The following BCKDHB variants were observed in gnomAD, a reference collection of about 807,000 sequenced individuals.
The protein encoded by BCKDHB is branched chain keto acid dehydrogenase E1 subunit beta, also known as 2-oxoisovalerate dehydrogenase subunit beta, mitochondrial.
BCKDHB carries 41 observed loss-of-function variants against 48.5 expected under a neutral mutation model. That is an observed-to-expected ratio of 0.85 (90% CI 0.66 to 1.10). BCKDHB has a LOEUF of 1.10. BCKDHB is among the 50% of genes least tolerant of loss of function. BCKDHB has a pLI of 0.00. For synonymous variants in BCKDHB, 201 were observed against 174.8 expected (o/e 1.15, Z -1.18); for missense variants, 496 against 494.2 (o/e 1.00, Z -0.03).
chr6:80,155,421 A>G (rs1771991752), intron 3 of BCKDHB, among the ~76,000 whole-genome samples: 1 of 152,170 alleles, frequency 6.6e-6, no homozygotes, highest in South Asian at 2.1e-4. Context: ...TAGTAGAAAG[A>G]AAGGGAAGCA....
intron 8 of BCKDHB, among the ~76,000 whole-genome samples, chr6:80,228,982 G>A (rs74634746): frequency 0.036 from 5,474 of 152,226 alleles, 319 homozygotes; most frequent in African/African-American, 0.12. Flanking sequence ...CTATAGCAAG[G>A]ACTGGCCACT....
At chr6:80,220,304 G>GTTTTTTTTTTTTTTTTTTTTTTTTTTTTT (rs56967096) in intron 8 of BCKDHB, among the ~76,000 whole-genome samples, 18 of 60,858 alleles carry the variant, frequency 3.0e-4, no homozygotes, top group Non-Finnish European at 3.8e-4. Context: ...CATGCTATTT[G>GTTTTTTTTTTTTTTTTTTTTTTTTTTTTT]TTTTTTTTTT....
the BCKDHB span, among the ~76,000 whole-genome samples, chr6:80,394,162 CAAGT>C: frequency 6.6e-6 from 1 of 152,114 alleles, no homozygotes. Context: ...ATGTCACTAA[CAAGT>C]AACTTGGAAA....
At chr6:80,434,944 GT>G in the BCKDHB span, among the ~76,000 whole-genome samples, 3 of 152,144 alleles carry the variant, frequency 2.0e-5, no homozygotes, top group Non-Finnish European at 2.9e-5. Flanking sequence ...GATCTTTGGA[GT>G]TTTTTTCTTT....
At chr6:80,396,462 G>T in the BCKDHB span, among the ~76,000 whole-genome samples, 2 of 152,336 alleles carry the variant, frequency 1.3e-5, no homozygotes, top group African/African-American at 4.8e-5. Context: ...ATGTGGGAAT[G>T]AGTTAAGACT....
intron 3 of BCKDHB, among the ~76,000 whole-genome samples, chr6:80,140,238 G>T (rs1404011124): frequency 6.6e-6 from 1 of 152,204 alleles, no homozygotes; most frequent in South Asian, 2.1e-4. Context: ...ATACAATCAT[G>T]TAATCTGCAA....
At chr6:80,223,403 CATT>C (rs1775548035) in intron 8 of BCKDHB, among the ~76,000 whole-genome samples, 1 of 152,154 alleles carries the variant, frequency 6.6e-6, no homozygotes, top group African/African-American at 2.4e-5. Flanking sequence ...GTTACATTCA[CATT>C]AATAATAATG....
intron 3 of BCKDHB, among the ~76,000 whole-genome samples, chr6:80,148,338 G>T (rs569624591): frequency 5.9e-5 from 9 of 152,132 alleles, no homozygotes; most frequent in Non-Finnish European, 1.2e-4. Context: ...ATGCTTATTA[G>T]TTTCAGATCA....
At chr6:80,413,458 A>G in the BCKDHB span, among the ~76,000 whole-genome samples, 2 of 151,096 alleles carry the variant, frequency 1.3e-5, no homozygotes, top group Non-Finnish European at 3.0e-5. Context: ...CCCACCCTCC[A>G]CTCTTTGATA....
At chr6:80,437,857 T>G in the BCKDHB span, among the ~76,000 whole-genome samples, 7 of 152,176 alleles carry the variant, frequency 4.6e-5, no homozygotes, top group Non-Finnish European at 8.8e-5. Context: ...AAAATCCAAA[T>G]GACAGAGAAG....
the BCKDHB span, among the ~76,000 whole-genome samples, chr6:80,391,716 A>G: frequency 5.9e-5 from 9 of 152,142 alleles, no homozygotes; most frequent in Non-Finnish European, 1.3e-4. Flanking sequence ...TGCTTAATGA[A>G]CCTGGCAGGA....
the BCKDHB span, among the ~76,000 whole-genome samples, chr6:80,459,959 G>C: frequency 5.9e-5 from 9 of 152,022 alleles, no homozygotes; most frequent in Non-Finnish European, 1.3e-4. Flanking sequence ...AATAGAACTG[G>C]AATTTCAGTA....
At chr6:80,466,498 T>C in the BCKDHB span, among the ~76,000 whole-genome samples, 3 of 152,098 alleles carry the variant, frequency 2.0e-5, no homozygotes, top group Non-Finnish European at 2.9e-5. Flanking sequence ...GATTTAAAAT[T>C]TTCTCACTAT....
intron 8 of BCKDHB, among the ~76,000 whole-genome samples, chr6:80,211,728 A>G (rs574800695): frequency 1.3e-5 from 2 of 152,238 alleles, no homozygotes; most frequent in African/African-American, 2.4e-5. Context: ...CCTGCCCCCA[A>G]CATTTCAACA....
At chr6:80,338,885 A>C (rs1252868255) in intron 9 of BCKDHB, among the ~76,000 whole-genome samples, 1 of 152,168 alleles carries the variant, frequency 6.6e-6, no homozygotes, top group Non-Finnish European at 1.5e-5. Context: ...TAATACTTCT[A>C]TTTTGATGTT....
intron 6 of BCKDHB, among the ~76,000 whole-genome samples, chr6:80,177,941 A>C (rs1030083925): frequency 6.6e-6 from 1 of 152,208 alleles, no homozygotes; most frequent in African/African-American, 2.4e-5. Context: ...AGGTAAATGC[A>C]AGGCTTTTGC....
chr6:80,232,700 T>C (rs1769258471), intron 8 of BCKDHB, among the ~76,000 whole-genome samples: 1 of 148,522 alleles, frequency 6.7e-6, no homozygotes, highest in Non-Finnish European at 1.5e-5. Flanking sequence ...AAATATTTAA[T>C]ATATTTAATA....
intron 3 of BCKDHB, among the ~76,000 whole-genome samples, chr6:80,156,300 G>A (rs1363477373): frequency 1.3e-5 from 2 of 151,574 alleles, no homozygotes. Context: ...TGTGTTCATG[G>A]TAATGTGAAG....
chr6:80,400,127 C>G, the BCKDHB span, among the ~76,000 whole-genome samples: 1 of 151,648 alleles, frequency 6.6e-6, no homozygotes, highest in African/African-American at 2.4e-5. Context: ...CAATAAAAAC[C>G]CTGGAAGACA....
Sources: allele counts gnomAD v4.1 joint callset (sites outside exome capture counted in the v4.1 genomes callset), GRCh38; gene constraint gnomAD v4.1.1; transcripts MANE v1.5; gene names NCBI Gene and HGNC (gene_info 2026-07-23, HGNC 2026-07-21).